The following GOLGA3 variants were observed in gnomAD, a reference collection of about 807,000 sequenced individuals.
GOLGA3 encodes the protein golgin subfamily A member 3.
GOLGA3 carries 75 observed loss-of-function variants against 169.4 expected under a neutral mutation model. The observed-to-expected ratio is 0.44, with a 90% CI of 0.37 to 0.54. The LOEUF (loss-of-function observed/expected upper bound fraction) is 0.54. GOLGA3 is among the 20% of genes least tolerant of loss of function. The pLI, the probability that GOLGA3 is intolerant of heterozygous loss-of-function variation, is 0.00. For missense variants in GOLGA3, 1,899 were observed against 1,930.0 expected (o/e 0.98, Z 0.30); for synonymous variants, 824 against 822.4 (o/e 1.00, Z -0.03).
At chr12:132,796,249 G>T (rs373834090) in intron 10 of GOLGA3, 29 bp from the exon 11 acceptor site, 72 of 1,560,624 alleles carry the variant, frequency 4.6e-5, no homozygotes, top group Admixed American at 1.3e-4. Flanking sequence ...CCACATGGCT[G>T]CGCCTGACCC....
Position 132,774,143 on chromosome 12 carries a change from G to A in GOLGA3, c.4307+14C>T. 1 of 1,576,116 alleles carries A rather than the reference G, an allele frequency of 6.3e-7. No homozygotes were observed. On this transcript the variant is annotated intron_variant, in intron 23 of 23. Transcript: ENST00000450791. ...TTAAGACTAGCTGAAGTGCAGCACGGAATACGGTCGTACTTGAGCTGCTGG... is the reference window on the plus strand; with the variant it reads ...TTAAGACTAGCTGAAGTGCAGCACGAAATACGGTCGTACTTGAGCTGCTGG...
In GOLGA3 at chr12:132,783,097, G is replaced by A. The variant is rs561507872; in HGVS notation, c.3268-604C>T. On this transcript the variant is annotated intron_variant, in intron 16 of 23. Coordinates refer to ENST00000450791, the MANE Select transcript of GOLGA3 (RefSeq NM_001389683.1). Reference sequence around the variant, plus strand: ...TGTAGTTCCAGCTACTCAGGAGAATGAGGCGGGAAAATCACTTGAACCTGG... The same window carrying A: ...TGTAGTTCCAGCTACTCAGGAGAATAAGGCGGGAAAATCACTTGAACCTGG... Among the ~76,000 whole-genome samples the A allele has an allele frequency of 2.6e-5, 4 of 152,220 alleles. No homozygotes were observed. The South Asian group carries it at 8.3e-4, about 32-fold the overall frequency.
intron 6 of GOLGA3, among the ~76,000 whole-genome samples, chr12:132,806,570 A>T (rs549601297): frequency 2.0e-5 from 3 of 152,370 alleles, no homozygotes; most frequent in African/African-American, 7.2e-5. Context: ...CTCGCAGGCC[A>T]CAGGAGGCTC....
At chr12:132,780,402 G>A (rs1164235981) in intron 18 of GOLGA3, among the ~76,000 whole-genome samples, 1 of 152,192 alleles carries the variant, frequency 6.6e-6, no homozygotes, top group Admixed American at 6.5e-5. Flanking sequence ...CCTGAAGCAG[G>A]GCAGGGGCCA....
rs551844141 is a variant in GOLGA3, at chr12:132,826,298, G to GCAC, written c.-184+2502_-184+2504dup. On this transcript the variant is annotated intron_variant, in intron 1 of 23. Transcript: ENST00000450791. Reference sequence around the variant, plus strand: ...AGCATCACGGCCACGGCCCAGACAGGCACCACCACCTGAACAGAAGGAAGG... The same window carrying GCAC: ...AGCATCACGGCCACGGCCCAGACAGGCACCACCACCACCTGAACAGAAGGAAGG... The GCAC allele has an allele frequency of 5.1e-4, 410 of 811,486 alleles. 1 individual carries two copies. The African/African-American group carries it at 6.3e-3, about 13-fold the overall frequency. 50.3% of individuals were successfully genotyped at this position (811,486 alleles called of 1,614,324 possible).
At chr12:132,798,174 A>AGGG (rs1408770488) in intron 9 of GOLGA3, among the ~76,000 whole-genome samples, 166 bp downstream of exon 9, 2 of 4,052 alleles carry the variant, frequency 4.9e-4, no homozygotes, top group East Asian at 5.3e-3. Flanking sequence ...GTGAGGGATG[A>AGGG]GGGGTGGGGG....
chr12:132,776,161 CTG>C (rs2045220382), intron 21 of GOLGA3, among the ~76,000 whole-genome samples: 1 of 91,646 alleles, frequency 1.1e-5, no homozygotes, highest in South Asian at 3.5e-4. Context: ...ACACAGGTAC[CTG>C]CAGCAGCTGC....
At chr12:132,790,306 C>T (rs1406093497) in intron 12 of GOLGA3, among the ~76,000 whole-genome samples, 1 of 152,150 alleles carries the variant, frequency 6.6e-6, no homozygotes, top group Non-Finnish European at 1.5e-5. Flanking sequence ...TGCCCTCCAG[C>T]CTGGGGTACA....
chr12:132,825,741 C>CAA, intron 1 of GOLGA3: 1 of 1,546,070 alleles, frequency 6.5e-7, no homozygotes, highest in South Asian at 1.1e-5. Context: ...CAAAAGCAGC[C>CAA]GACCATCTTT....
intron 2 of GOLGA3, among the ~76,000 whole-genome samples, chr12:132,819,458 A>G (rs558821041): frequency 2.0e-3 from 301 of 152,228 alleles, no homozygotes; most frequent in African/African-American, 6.9e-3. Flanking sequence ...GAACCCTCGA[A>G]GTGGAGCTTG....
At chr12:132,807,699 G>T (rs1045002386) in intron 5 of GOLGA3, among the ~76,000 whole-genome samples, 192 bp downstream of exon 5, 9 of 152,174 alleles carry the variant, frequency 5.9e-5, no homozygotes, top group Non-Finnish European at 1.2e-4. Flanking sequence ...CCAGTGCGGA[G>T]AGCCGTGGGC....
At chr12:132,805,244 CA>C (rs1224768158) in intron 6 of GOLGA3, among the ~76,000 whole-genome samples, 1 of 130,808 alleles carries the variant, frequency 7.6e-6, no homozygotes, top group Non-Finnish European at 1.6e-5. Flanking sequence ...CAAGGCCTGA[CA>C]GGGGACCCCA....
Position 132,798,363 on chromosome 12 carries a change from C to T in GOLGA3, c.1915G>A (p.Ala639Thr), listed in dbSNP as rs774060289. 6.8e-6 allele frequency: 11 copies of T among 1,612,798 alleles called. No individual in the cohort carries two copies. The highest frequency in any genetic ancestry group is 2.2e-5 in the East Asian group (1 of 44,870). The change falls in exon 9 of 24, where the codon GCG (alanine) becomes ACG (threonine). Residue 639 changes from alanine to threonine, a missense_variant. Physicochemically the swap from Ala to Thr is moderately conservative, Grantham distance 58. Transcript: ENST00000450791. ...HRSMKEKGRI[A>T]AQLQGIEADM... ...ACCTCAATGCCCTGCAGCTGTGCCG[C>T]GATGCGCCCCTTCTCCTTCATGGAC...
At chr12:132,774,950 CTGT>C in intron 22 of GOLGA3, 188 bp downstream of exon 22, 2 of 577,982 alleles carry the variant, frequency 3.5e-6, no homozygotes, top group Admixed American at 6.8e-5. Flanking sequence ...GAGGAAAACA[CTGT>C]TGGATGAATG....
At chr12:132,806,557 G>A (rs374249241) in intron 6 of GOLGA3, among the ~76,000 whole-genome samples, 11 of 152,330 alleles carry the variant, frequency 7.2e-5, no homozygotes, top group South Asian at 4.1e-4. Flanking sequence ...CCTGCTCTGC[G>A]GCCTCGCAGG....
intron 17 of GOLGA3, among the ~76,000 whole-genome samples, chr12:132,781,902 C>T (rs1341204417): frequency 6.6e-6 from 1 of 152,216 alleles, no homozygotes; most frequent in East Asian, 1.9e-4. Flanking sequence ...CATGGAAGGT[C>T]TACCCCTCAA....
chr12:132,808,665 C>G (rs903201547), intron 4 of GOLGA3, 116 bp from the exon 5 acceptor site: 1 of 811,364 alleles, frequency 1.2e-6, no homozygotes, highest in Non-Finnish European at 2.0e-6. Context: ...AACCAGAGAG[C>G]ACCACCTCCC....
intron 11 of GOLGA3, 119 bp from the exon 12 acceptor site, chr12:132,791,412 C>A: frequency 1.7e-6 from 1 of 600,746 alleles, no homozygotes; most frequent in South Asian, 2.1e-5. Context: ...TTACAGAGAG[C>A]TCCAGGAGGG....
At chr12:132,785,458 GTGC>G (rs2136340842) in intron 15 of GOLGA3, among the ~76,000 whole-genome samples, 1 of 152,254 alleles carries the variant, frequency 6.6e-6, no homozygotes, top group South Asian at 2.1e-4. Context: ...CCACAGGCAC[GTGC>G]TACCATGCCT....
Sources: gnomAD v4.1 joint callset for allele counts (sites outside exome capture counted in the v4.1 genomes callset) on GRCh38, gnomAD v4.1.1 for gene constraint, MANE v1.5 for transcripts, NCBI Gene and HGNC (gene_info 2026-07-23, HGNC 2026-07-21) for gene names.